PDZRN4: variants seen among roughly 807,000 people sequenced by gnomAD.
The protein encoded by PDZRN4 is PDZ domain containing ring finger 4, also known as PDZ domain-containing RING finger protein 4.
PDZRN4 carries 70 observed loss-of-function variants against 99.0 expected under a neutral mutation model. That is an observed-to-expected ratio of 0.71 (90% confidence interval 0.58 to 0.86). PDZRN4 has a LOEUF of 0.86. PDZRN4 is among the 40% of genes least tolerant of loss of function. The probability of loss-of-function intolerance (pLI) is 0.00; values close to 1 mark genes in which losing one functional copy is unlikely to be tolerated. For missense variants in PDZRN4, 1,474 were observed against 1,331.2 expected (o/e 1.11, Z -1.67); for synonymous variants, 551 against 501.6 (o/e 1.10, Z -1.32).
At chr12:41,195,198 A>G (rs1950763233) in intron 3 of PDZRN4, among the ~76,000 whole-genome samples, 1 of 152,184 alleles carries the variant, frequency 6.6e-6, no homozygotes, top group African/African-American at 2.4e-5. Context: ...GGTTAAGATA[A>G]TATTACTTTT....
chr12:41,188,683 G>T lies in PDZRN4; in HGVS notation c.228G>T (p.Lys76Asn). The T allele has an allele frequency of 1.3e-6, 2 of 1,559,782 alleles. No homozygotes were observed. The highest frequency in any genetic ancestry group is 1.7e-6 in the Non-Finnish European group (2 of 1,161,510). Residue 76 changes from lysine to asparagine, a missense_variant, in exon 1 of 10, where the codon AAG becomes AAT. Coordinates refer to ENST00000402685, the MANE Select transcript of PDZRN4 (RefSeq NM_001164595.2). ...RVLPLRSLIQKLRVQCDYRAR... is the reference protein window; with the variant it reads ...RVLPLRSLIQNLRVQCDYRAR... ...TGCCGCTGCGCAGCCTCATCCAGAA[G>T]CTGCGAGTCCAGTGCGACTACCGCG...
chr12:41,349,684 G>A (rs894791895), intron 3 of PDZRN4, among the ~76,000 whole-genome samples: 1 of 151,908 alleles, frequency 6.6e-6, no homozygotes, highest in South Asian at 2.1e-4. Flanking sequence ...CACCACAAGA[G>A]AATCTTGTAA....
chr12:41,336,066 C>T (rs1951771449), intron 3 of PDZRN4, among the ~76,000 whole-genome samples: 1 of 152,028 alleles, frequency 6.6e-6, no homozygotes, highest in African/African-American at 2.4e-5. Context: ...GGAGGCATTC[C>T]TCCTCATTTA....
chr12:41,355,559 T>C (rs1282107622), intron 3 of PDZRN4, among the ~76,000 whole-genome samples: 1 of 152,084 alleles, frequency 6.6e-6, no homozygotes, highest in Admixed American at 6.6e-5. Flanking sequence ...TTGGAATGTT[T>C]CCATTTAATA....
Position 41,572,453 on chromosome 12 carries a change from A to C in PDZRN4, c.1674A>C (p.Thr558=). 1.2e-6 allele frequency: 2 copies of C among 1,614,190 alleles called. No individual in the cohort carries two copies. Among genetic ancestry groups the C allele is most frequent in the Non-Finnish European group, 1.7e-6 (2 of 1,180,014 alleles). The change falls in exon 10 of 10, where the codon ACA becomes ACC. Residue 558 remains threonine (T), a synonymous_variant. Coordinates refer to ENST00000402685, the MANE Select transcript of PDZRN4 (RefSeq NM_001164595.2). ...NHEKDSGVGR[T]DESLRNDESS... is the part of the protein sequence containing the mutation. ...AGAAGGACAGTGGAGTAGGACGTAC[A>C]GATGAAAGCTTGCGAAATGATGAGA...
intron 3 of PDZRN4, among the ~76,000 whole-genome samples, chr12:41,400,073 A>G (rs1243661574): frequency 6.6e-6 from 1 of 152,150 alleles, no homozygotes; most frequent in African/African-American, 2.4e-5. Flanking sequence ...ATATTGCAGC[A>G]GCCTTCAGTT....
At chr12:41,344,730 G>T (rs912861316) in intron 3 of PDZRN4, among the ~76,000 whole-genome samples, 1 of 147,910 alleles carries the variant, frequency 6.8e-6, no homozygotes, top group African/African-American at 2.5e-5. Flanking sequence ...TTCATTTTTT[G>T]ATGTAAGATA....
intron 3 of PDZRN4, among the ~76,000 whole-genome samples, chr12:41,453,185 C>T (rs772849876): frequency 6.6e-6 from 1 of 152,194 alleles, no homozygotes; most frequent in Non-Finnish European, 1.5e-5. Context: ...GAAGCTGCAG[C>T]AGCCCATGCC....
intron 3 of PDZRN4, among the ~76,000 whole-genome samples, chr12:41,280,521 G>T (rs1425923409): frequency 2.0e-5 from 3 of 152,130 alleles, no homozygotes; most frequent in African/African-American, 7.2e-5. Context: ...ACTCGAGCTT[G>T]GTGCGGGGAG....
chr12:41,211,474 TC>T (rs1188904645), intron 3 of PDZRN4, among the ~76,000 whole-genome samples: 1 of 152,004 alleles, frequency 6.6e-6, no homozygotes, highest in Non-Finnish European at 1.5e-5. Flanking sequence ...TGTTTTTTTT[TC>T]TAGTAATTCC....
chr12:41,311,285 G>GA lies in PDZRN4; in HGVS notation c.843+117106dup, dbSNP rs201992007. Among the ~76,000 whole-genome samples the GA allele has an allele frequency of 6.0e-4, 88 of 147,898 alleles. 3 individuals carry two copies. In the South Asian group the frequency reaches 0.014, roughly 23 times the overall value. On this transcript the variant is annotated intron_variant, in intron 3 of 9. Coordinates refer to ENST00000402685, the MANE Select transcript of PDZRN4 (RefSeq NM_001164595.2). ...AAGCAATGAGAATTTTTTTTTTTCA[G>GA]AAAAAAAAATCCCCGTTAAAGTCTT...
intron 3 of PDZRN4, among the ~76,000 whole-genome samples, chr12:41,408,954 T>C (rs1309900057): frequency 6.6e-6 from 1 of 151,896 alleles, no homozygotes; most frequent in East Asian, 1.9e-4. Flanking sequence ...TCTGTTCTTT[T>C]CCTTTAAAAA....
intron 7 of PDZRN4, among the ~76,000 whole-genome samples, chr12:41,561,540 T>C (rs1939269541): frequency 6.7e-6 from 1 of 148,890 alleles, no homozygotes; most frequent in Middle Eastern, 3.5e-3. Flanking sequence ...GTAAGTGCAA[T>C]TTAGATGAAG....
intron 3 of PDZRN4, chr12:41,413,204 T>C (rs576398151): frequency 6.6e-6 from 1 of 152,264 alleles, no homozygotes; most frequent in South Asian, 2.1e-4. Flanking sequence ...AACAAAATCT[T>C]GTCATTCACA....
intron 4 of PDZRN4, among the ~76,000 whole-genome samples, chr12:41,507,223 G>A (rs1938223522): frequency 6.6e-6 from 1 of 152,114 alleles, no homozygotes. Flanking sequence ...AATATATTGA[G>A]ATATAAACAA....
At chr12:41,220,312 G>A (rs1950946416) in intron 3 of PDZRN4, among the ~76,000 whole-genome samples, 1 of 151,992 alleles carries the variant, frequency 6.6e-6, no homozygotes, top group Non-Finnish European at 1.5e-5. Flanking sequence ...CTTTCCTCTT[G>A]TGTCTGTGCC....
chr12:41,268,108 A>G (rs1264381432), intron 3 of PDZRN4, among the ~76,000 whole-genome samples: 1 of 148,084 alleles, frequency 6.8e-6, no homozygotes, highest in Non-Finnish European at 1.5e-5. Context: ...GACAGATACA[A>G]AAGAGGCATT....
chr12:41,535,766 C>A lies in PDZRN4; in HGVS notation c.1204-16890C>A, dbSNP rs533968187. ...CCTTTTTCTCTGTCTCTCTTTTGCC[C>A]TCTCTTTGCCCTTCCACCGTGGGAT... is the stretch of plus-strand genomic sequence containing the variant. On this transcript the variant is annotated intron_variant, in intron 5 of 9. Coordinates refer to ENST00000402685, the MANE Select transcript of PDZRN4 (RefSeq NM_001164595.2). Among the ~76,000 whole-genome samples the A allele has an allele frequency of 2.0e-5, 3 of 152,274 alleles. No homozygotes were observed. In the South Asian group the frequency reaches 6.2e-4, roughly 32 times the overall value.
intron 3 of PDZRN4, among the ~76,000 whole-genome samples, chr12:41,488,339 A>C (rs1449629795): frequency 6.6e-6 from 1 of 152,190 alleles, no homozygotes; most frequent in African/African-American, 2.4e-5. Context: ...CAAATGTTAT[A>C]CTTGAGGTTA....
Sources: allele counts gnomAD v4.1 joint callset (sites outside exome capture counted in the v4.1 genomes callset), GRCh38; gene constraint gnomAD v4.1.1; transcripts MANE v1.5; gene names NCBI Gene and HGNC (gene_info 2026-07-23, HGNC 2026-07-21).